The following CES5A variants were observed in gnomAD, a reference collection of about 807,000 sequenced individuals.
CES5A encodes carboxylesterase 5.
Under a neutral mutation model 62.9 loss-of-function variants are expected in CES5A, and 67 were observed. The ratio of observed to expected loss-of-function variants is 1.07; its 90% confidence interval spans 0.88 to 1.31. The LOEUF (loss-of-function observed/expected upper bound fraction) is 1.31, where lower values mean the gene tolerates loss of function less well. Among genes scored for constraint, CES5A ranks in the 50% most tolerant of loss-of-function variants. CES5A has a pLI of 0.00. For missense variants in CES5A, 748 were observed against 708.5 expected (o/e 1.06, Z -0.63); for synonymous variants, 296 against 280.8 (o/e 1.05, Z -0.54).
In CES5A at chr16:55,859,745, A is replaced by G. The variant is rs142337265; in HGVS notation, c.916-58T>C. The stretch of plus-strand genomic sequence containing the variant: ...ATCATCAGCTATTTCTGTTCACAAA[A>G]TCTGCTGTCCCAAATCCTGGCCAAG... On this transcript the variant is annotated intron_variant, in intron 7 of 12. Coordinates refer to ENST00000290567, the MANE Select transcript of CES5A (RefSeq NM_001143685.2). 5.6e-5 allele frequency: 86 copies of G among 1,535,782 alleles called. 2 individuals are homozygous for G. The African/African-American group carries it at 8.0e-4, about 14-fold the overall frequency.
chr16:55,915,775 C>T (rs1170989465), intron 1 of CES5A, among the ~76,000 whole-genome samples: 4 of 152,186 alleles, frequency 2.6e-5, no homozygotes, highest in Non-Finnish European at 4.4e-5. Flanking sequence ...TGTCCCTCTC[C>T]AGACCCTGGA....
At chr16:55,920,761 T>C (rs927692116) in intron 1 of CES5A, among the ~76,000 whole-genome samples, 1 of 152,170 alleles carries the variant, frequency 6.6e-6, no homozygotes, top group Non-Finnish European at 1.5e-5. Context: ...TCTTCTCAAA[T>C]GGACAAAGCA....
chr16:55,873,765 G>A, intron 2 of CES5A, 68 bp downstream of exon 2: 1 of 1,382,116 alleles, frequency 7.2e-7, no homozygotes, highest in Non-Finnish European at 1.0e-6. Flanking sequence ...TTCACACTGG[G>A]CTGCATGACC....
chr16:55,863,057 GA>G (rs2033385527), intron 6 of CES5A, among the ~76,000 whole-genome samples: 1 of 152,208 alleles, frequency 6.6e-6, no homozygotes, highest in South Asian at 2.1e-4. Context: ...GAACTGTATA[GA>G]ATACAGGGGA....
intron 1 of CES5A, among the ~76,000 whole-genome samples, chr16:55,906,070 C>T (rs1306814761): frequency 6.6e-6 from 1 of 152,140 alleles, no homozygotes; most frequent in Non-Finnish European, 1.5e-5. Context: ...GATTTGAATT[C>T]AGGTCTGTCC....
chr16:55,852,803 C>G (rs4784596), intron 10 of CES5A, 78 bp downstream of exon 10: 1,502,355 of 1,504,814 alleles, frequency 1, 749,993 homozygotes, highest in East Asian at 1. Context: ...AAGGCAGCCG[C>G]TCAGTAGACA....
chr16:55,881,711 C>T (rs1432978048), intron 1 of CES5A, among the ~76,000 whole-genome samples: 1 of 152,134 alleles, frequency 6.6e-6, no homozygotes, highest in East Asian at 1.9e-4. Context: ...ATAATGTTTC[C>T]TGAGAGTGAC....
At chr16:55,946,351 C>T (rs1239245471) in intron 2 of CES5A, among the ~76,000 whole-genome samples, 2 of 152,012 alleles carry the variant, frequency 1.3e-5, no homozygotes, top group African/African-American at 4.8e-5. Context: ...TGGTGGGGAG[C>T]CTTGTGAAAA....
At chr16:55,883,946 C>G (rs1051091878) in intron 1 of CES5A, among the ~76,000 whole-genome samples, 11 of 152,186 alleles carry the variant, frequency 7.2e-5, no homozygotes, top group African/African-American at 2.4e-4. Context: ...TAGGTCCCCA[C>G]TCTAACAGGG....
At chr16:55,847,690 C>T (rs945063476) in intron 11 of CES5A, among the ~76,000 whole-genome samples, 1 of 152,092 alleles carries the variant, frequency 6.6e-6, no homozygotes, top group Admixed American at 6.5e-5. Context: ...GGACTTGTCA[C>T]TTATCAAACT....
At chr16:55,949,825 T>C in exon 2 of CES5A, 1 of 1,520,524 alleles carries the variant, frequency 6.6e-7, no homozygotes, top group Non-Finnish European at 8.8e-7. Flanking sequence ...CAATCCTCAA[T>C]ACATACAAAG....
At chr16:55,886,943 G>T (rs1388778546) in intron 1 of CES5A, among the ~76,000 whole-genome samples, 1 of 152,060 alleles carries the variant, frequency 6.6e-6, no homozygotes, top group Non-Finnish European at 1.5e-5. Context: ...ATGGCCCCAG[G>T]ACCCACTGGT....
intron 1 of CES5A, among the ~76,000 whole-genome samples, chr16:55,915,047 T>C (rs375265463): frequency 9.2e-5 from 14 of 152,024 alleles, no homozygotes; most frequent in African/African-American, 3.1e-4. Context: ...AAAGCCTGCA[T>C]TGGGCCTTTC....
chr16:55,929,089 G>A (rs2034284912), upstream of CES5A, among the ~76,000 whole-genome samples: 1 of 152,224 alleles, frequency 6.6e-6, no homozygotes, highest in Admixed American at 6.5e-5. Context: ...GAAGCACATG[G>A]CCAGTGGGCT....
intron 11 of CES5A, among the ~76,000 whole-genome samples, chr16:55,848,890 A>G (rs1217870444): frequency 2.6e-5 from 4 of 152,178 alleles, no homozygotes; most frequent in Non-Finnish European, 5.9e-5. Flanking sequence ...CCTAGGAGGA[A>G]GTTCTTTATT....
At chr16:55,952,083 G>A (rs2034563446) in intron 1 of CES5A, among the ~76,000 whole-genome samples, 1 of 152,090 alleles carries the variant, frequency 6.6e-6, no homozygotes, top group Non-Finnish European at 1.5e-5. Flanking sequence ...AAAGAAGTCA[G>A]ACAGGTTACC....
chr16:55,939,026 T>G (rs1447967769), intron 2 of CES5A, among the ~76,000 whole-genome samples: 5 of 151,770 alleles, frequency 3.3e-5, no homozygotes, highest in African/African-American at 4.8e-5. Context: ...GCTGGATCTA[T>G]GTGCTTTGGC....
rs997928574 is a variant in CES5A, at chr16:55,899,739, T to A, written c.-256+25584A>T. 3.3e-5 allele frequency among the ~76,000 whole-genome samples: 5 copies of A among 152,294 alleles called. No individual in the cohort carries two copies. The East Asian group carries it at 7.7e-4, about 24-fold the overall frequency. ...CACAGCTAGTGGAGAGGTACTGATATCTACTGGGTGGAGGCCAGGAATGCC... is the reference window on the plus strand; with the variant it reads ...CACAGCTAGTGGAGAGGTACTGATAACTACTGGGTGGAGGCCAGGAATGCC... On this transcript the variant is annotated intron_variant, in intron 1 of 12. Transcript: ENST00000518005.
At chr16:55,905,591 A>G (rs2034033018) in intron 1 of CES5A, among the ~76,000 whole-genome samples, 1 of 151,540 alleles carries the variant, frequency 6.6e-6, no homozygotes, top group Non-Finnish European at 1.5e-5. Context: ...CGAACTCCTG[A>G]CCTCGTGATC....
Sources: gnomAD v4.1 joint callset for allele counts (sites outside exome capture counted in the v4.1 genomes callset) on GRCh38, gnomAD v4.1.1 for gene constraint, MANE v1.5 for transcripts, NCBI Gene and HGNC (gene_info 2026-07-23, HGNC 2026-07-21) for gene names.